Variants in APPL1 observed in about 807,000 individuals in gnomAD.
The protein encoded by APPL1 is DCC-interacting protein 13-alpha.
A neutral mutation model predicts 106.8 loss-of-function variants in APPL1; 42 were observed. That is an observed-to-expected ratio of 0.39 (90% CI 0.31 to 0.51). APPL1 has a LOEUF of 0.51. APPL1 is among the 20% of genes least tolerant of loss of function. APPL1 has a pLI of 0.75. For missense variants in APPL1, 769 were observed against 858.2 expected, an observed-to-expected ratio of 0.90 and a Z score of 1.30; for synonymous variants, 263 against 281.8, an observed-to-expected ratio of 0.93 and a Z score of 0.67.
chr3:57,267,756 T>G lies in APPL1; in HGVS notation c.1857T>G (p.Val619=). Residue 619 remains valine, a synonymous_variant, in exon 20 of 22, where the codon GTT becomes GTG. Coordinates refer to ENST00000288266, the MANE Select transcript of APPL1 (RefSeq NM_012096.3). The stretch of plus-strand genomic sequence containing the variant: ...TCTCTTTTTAGATATGTGATTCTGT[T>G]GGACTGGCAAAACAGATAGCTTTGC... The part of the protein sequence containing the change: ...NNEGEKICDS[V]GLAKQIALHA... The G allele has an allele frequency of 6.2e-7, 1 of 1,614,034 alleles. No individual in the cohort carries two copies. Among genetic ancestry groups the G allele is most frequent in the South Asian group, 1.1e-5 (1 of 91,084 alleles).
chr3:57,257,069 G>A lies in APPL1; in HGVS notation c.1247+18G>A, dbSNP rs1180832639. ...GCAGCAGGGTAAGTTACCACACTGAGTTATTTAAAGAAGGAGATGGGCTAT... is the reference window on the plus strand; with the variant it reads ...GCAGCAGGGTAAGTTACCACACTGAATTATTTAAAGAAGGAGATGGGCTAT... On this transcript the variant is annotated intron_variant, in intron 14 of 21. Transcript: ENST00000288266. 1.7e-5 allele frequency: 27 copies of A among 1,611,956 alleles called. No individual in the cohort carries two copies. Among genetic ancestry groups the A allele is most frequent in the Non-Finnish European group, 2.1e-5 (25 of 1,178,310 alleles).
At position 57,228,700 on chromosome 3, in the gene APPL1, T is replaced by G. The variant is rs2060667532; in HGVS notation, c.54+763T>G. On this transcript the variant is annotated intron_variant, in intron 1 of 21. Coordinates refer to ENST00000288266, the MANE Select transcript of APPL1 (RefSeq NM_012096.3). This position sits in a 1 kb window ranked among gnomAD's most constrained non-coding sequence, Gnocchi z 4.6. The stretch of plus-strand genomic sequence containing the variant: ...GGAAAATGTAACCATTTAATATGTT[T>G]TCAGTACTGCAGAATGAAAGCAGCT... Among the ~76,000 whole-genome samples the G allele has an allele frequency of 6.6e-6, 1 of 152,254 alleles. No homozygotes were observed. Among genetic ancestry groups the G allele is most frequent in the Non-Finnish European group, 1.5e-5 (1 of 68,050 alleles).
At chr3:57,249,970 TGGG>T (rs58545263) in intron 11 of APPL1, among the ~76,000 whole-genome samples, 1 of 151,334 alleles carries the variant, frequency 6.6e-6, no homozygotes, top group African/African-American at 2.4e-5. Context: ...AAAATGTGAA[TGGG>T]GGGGGGTTGT....
chr3:57,227,762 G>T lies in APPL1; in HGVS notation c.-122G>T, dbSNP rs879640477. ...GCTCGGCGCCTGGAGAAGGCTGTGC[G>T]GGCGGGGACGGCTGCAGCCCTTGCC... On this transcript the variant is annotated 5_prime_UTR_variant, in exon 1 of 22. Coordinates refer to ENST00000288266, the MANE Select transcript of APPL1 (RefSeq NM_012096.3). 234 of 796,410 alleles carry T rather than the reference G, an allele frequency of 2.9e-4. 1 individual carries two copies. The East Asian group carries it at 8.2e-3, about 28-fold the overall frequency. The allele number at this position is 796,410 out of a possible 1,614,324, so 49.3% of individuals were successfully genotyped here.
chr3:57,271,153 A>G lies in APPL1; in HGVS notation c.*1466A>G, dbSNP rs570887317. On this transcript the variant is annotated 3_prime_UTR_variant, in exon 22 of 22. Transcript: ENST00000288266. Reference sequence around the variant, plus strand: ...AAGCCTTTTTTTTTCTTTGATATACAGTTTTTTCTTCTTAGTTCTGCATTA... The same window carrying G: ...AAGCCTTTTTTTTTCTTTGATATACGGTTTTTTCTTCTTAGTTCTGCATTA... 6.6e-6 allele frequency: 1 copy of G among 152,262 alleles called. No homozygotes were observed. The highest frequency in any genetic ancestry group is 1.5e-5 in the Non-Finnish European group (1 of 67,960). The allele number at this position is 152,262 out of a possible 1,614,324, so 9.4% of individuals were successfully genotyped here.
intron 13 of APPL1, among the ~76,000 whole-genome samples, chr3:57,255,905 A>G (rs1003885382): frequency 3.9e-5 from 6 of 152,216 alleles, no homozygotes; most frequent in African/African-American, 1.4e-4. Context: ...TCAGAACTCT[A>G]ATTTTTAGTT....
At chr3:57,257,121 G>A in intron 14 of APPL1, 70 bp downstream of exon 14, 1 of 1,569,924 alleles carries the variant, frequency 6.4e-7, no homozygotes, top group South Asian at 1.1e-5. Context: ...CTGGGATTAT[G>A]TTTGTACTGA....
intron 4 of APPL1, 123 bp downstream of exon 4, chr3:57,238,239 C>T (rs2060726665): frequency 1.6e-6 from 1 of 632,956 alleles, no homozygotes; most frequent in South Asian, 2.6e-5. Flanking sequence ...CTTAATTCCA[C>T]ATCCTGGTGG....
At chr3:57,257,172 T>G (rs1334192412) in intron 14 of APPL1, 74 bp from the exon 15 acceptor site, 1 of 1,562,210 alleles carries the variant, frequency 6.4e-7, no homozygotes, top group Non-Finnish European at 8.7e-7. Context: ...TGTGTTTTCT[T>G]TTTTCATAGT....
In APPL1 at chr3:57,228,398, G is replaced by A. The variant is rs1203720352; in HGVS notation, c.54+461G>A. On this transcript the variant is annotated intron_variant, in intron 1 of 21. Coordinates refer to ENST00000288266, the MANE Select transcript of APPL1 (RefSeq NM_012096.3). The surrounding 1 kb of genome is among the most constrained non-coding windows in gnomAD (Gnocchi z 4.6). ...AAATGGATCGTTTTTCTTTGGGAGA[G>A]GCTGTAAGGTTGTGTGTGGAGCCCT... Among the ~76,000 whole-genome samples, 3 of 152,232 alleles carry A rather than the reference G, an allele frequency of 2.0e-5. No individual in the cohort carries two copies. The highest frequency in any genetic ancestry group is 1.3e-4 in the Admixed American group (2 of 15,288).
intron 1 of APPL1, among the ~76,000 whole-genome samples, chr3:57,233,591 C>T (rs1050481807): frequency 1.3e-5 from 2 of 151,724 alleles, no homozygotes; most frequent in Non-Finnish European, 2.9e-5. Context: ...TAAAATAGCA[C>T]TATATGGAAT....
At chr3:57,263,336 A>G (rs1449839441) in intron 19 of APPL1, among the ~76,000 whole-genome samples, 1 of 151,940 alleles carries the variant, frequency 6.6e-6, no homozygotes, top group East Asian at 1.9e-4. Flanking sequence ...CCCCCGTTCT[A>G]TCAAATACCA....
At chr3:57,230,006 G>A (rs1269030012) in intron 1 of APPL1, among the ~76,000 whole-genome samples, 2 of 152,090 alleles carry the variant, frequency 1.3e-5, no homozygotes, top group African/African-American at 4.8e-5. Context: ...GAGCCACTGC[G>A]CCTGGCCTGT....
At chr3:57,251,068 A>G (rs1417425571) in intron 11 of APPL1, among the ~76,000 whole-genome samples, 2 of 149,256 alleles carry the variant, frequency 1.3e-5, no homozygotes, top group Non-Finnish European at 3.0e-5. Flanking sequence ...CGGCCTCCCA[A>G]AGTGCTGGGA....
At chr3:57,263,246 G>A (rs2060877139) in intron 19 of APPL1, among the ~76,000 whole-genome samples, 1 of 151,946 alleles carries the variant, frequency 6.6e-6, no homozygotes, top group Non-Finnish European at 1.5e-5. Flanking sequence ...CTTCCCTTAA[G>A]CATTTATCCT....
In APPL1 at chr3:57,257,304, A is replaced by G; in HGVS notation, c.1306A>G (p.Thr436Ala). 6.2e-7 allele frequency: 1 copy of G among 1,614,092 alleles called. No individual in the cohort carries two copies. Among genetic ancestry groups the G allele is most frequent in the Non-Finnish European group, 8.5e-7 (1 of 1,180,022 alleles). Residue 436 changes from threonine to alanine, a missense_variant, in exon 15 of 22, where the codon ACA (threonine) becomes GCA (alanine). Physicochemically the swap from Thr to Ala is moderately conservative, Grantham distance 58 (BLOSUM62 0). Transcript: ENST00000288266. ...TTCAGGATCCTTAGGATCTGAGTCT[A>G]CAAATTTGGCTGCCCTCTCTCTAGA... ...SSSGSLGSES[T>A]NLAALSLDSL...
chr3:57,254,361 A>G (rs2060823956), intron 13 of APPL1, among the ~76,000 whole-genome samples: 1 of 152,238 alleles, frequency 6.6e-6, no homozygotes, highest in Non-Finnish European at 1.5e-5. Flanking sequence ...ATCTGTATGG[A>G]GAGACAAAAC....
At chr3:57,252,508 G>A (rs192545720) in intron 12 of APPL1, among the ~76,000 whole-genome samples, 197 bp downstream of exon 12, 2 of 152,106 alleles carry the variant, frequency 1.3e-5, no homozygotes, top group Non-Finnish European at 2.9e-5. Context: ...TTTTATAGTG[G>A]GAGGGACCTT....
chr3:57,258,949 G>C (rs1252044157), intron 15 of APPL1, 79 bp from the exon 16 acceptor site: 5 of 1,037,692 alleles, frequency 4.8e-6, no homozygotes, highest in Non-Finnish European at 7.2e-6. Context: ...AATGTTAACT[G>C]TGGTTTTAAT....
Sources: allele counts gnomAD v4.1 joint callset (sites outside exome capture counted in the v4.1 genomes callset), GRCh38; gene constraint gnomAD v4.1.1; non-coding constraint Gnocchi (gnomAD v3.1); transcripts MANE v1.5; gene names NCBI Gene and HGNC (gene_info 2026-07-23, HGNC 2026-07-21).